The following PLD1 variants were observed in gnomAD, a reference collection of about 807,000 sequenced individuals.
PLD1 encodes phospholipase D1.
Under a neutral mutation model 137.1 loss-of-function variants are expected in PLD1, and 112 were observed. The observed-to-expected ratio is 0.82, with a 90% CI of 0.70 to 0.96. The LOEUF (loss-of-function observed/expected upper bound fraction) is 0.96, where lower values mean the gene tolerates loss of function less well. Ranked by LOEUF, PLD1 falls within the 40% of genes least tolerant of loss-of-function variation. The pLI, the probability that PLD1 is intolerant of heterozygous loss-of-function variation, is 0.00. For missense variants in PLD1, 1,321 were observed against 1,342.0 expected, an observed-to-expected ratio of 0.98 and a Z score of 0.24; for synonymous variants, 431 against 454.7, an observed-to-expected ratio of 0.95 and a Z score of 0.66.
chr3:171,673,045 C>T (rs79938967), intron 19 of PLD1, among the ~76,000 whole-genome samples: 1,744 of 152,310 alleles, frequency 0.011, 34 homozygotes, highest in African/African-American at 0.04. Flanking sequence ...TTGACCACCA[C>T]GTCAATAATA....
intron 11 of PLD1, among the ~76,000 whole-genome samples, chr3:171,705,702 G>A (rs1159073807): frequency 3.3e-5 from 5 of 152,166 alleles, no homozygotes; most frequent in Non-Finnish European, 7.4e-5. Context: ...ACAACATCAA[G>A]TGCTAGCAAT....
chr3:171,607,485 A>G (rs916281791), intron 25 of PLD1, among the ~76,000 whole-genome samples: 2 of 152,182 alleles, frequency 1.3e-5, no homozygotes, highest in East Asian at 3.8e-4. Context: ...TAAAATAGGC[A>G]ATATATTATT....
rs976059219 is a variant in PLD1, at chr3:171,639,844, C to A, written c.2593+2996G>T. 3.6e-3 allele frequency among the ~76,000 whole-genome samples: 406 copies of A among 113,468 alleles called. 2 individuals are homozygous for A. Among genetic ancestry groups the A allele is most frequent in the African/African-American group, 0.013 (325 of 25,204 alleles). The allele number at this position is 113,468 out of a possible 152,430, so 74.4% of individuals were successfully genotyped here. A position where few individuals can be genotyped will look rare whatever the true frequency, so the allele number is the denominator to read the frequency against. On this transcript the variant is annotated intron_variant, in intron 23 of 26. Transcript: ENST00000351298. ...TTTCTCTCTCTCTCTCTCTCTCTCT[C>A]TCTCTATATATATATATATATCTCC...
intron 10 of PLD1, 85 bp downstream of exon 10, chr3:171,709,475 T>C: frequency 8.5e-7 from 1 of 1,175,062 alleles, no homozygotes; most frequent in Non-Finnish European, 1.2e-6. Context: ...TTCACAGTTT[T>C]GAAAACTGAT....
Position 171,662,134 on chromosome 3 carries a change from T to A in PLD1, c.2266A>T (p.Lys756Ter). The A allele has an allele frequency of 4.3e-6, 7 of 1,613,524 alleles. No homozygotes were observed. Among genetic ancestry groups the A allele is most frequent in the Non-Finnish European group, 5.9e-6 (7 of 1,179,478 alleles). Reference protein sequence around the residue: ...RSAADWSAGIKYHEESIHAAY... With the variant: ...RSAADWSAGI ...GCGTGGATGGACTCTTCATGGTACT[T>A]TATACCAGCAGACCAATCAGCAGCA... Residue 756 changes from lysine (K) to a stop codon, truncating the protein, a stop_gained, in exon 20 of 27, where the codon AAG becomes TAG. Coordinates refer to ENST00000351298, the MANE Select transcript of PLD1 (RefSeq NM_002662.5). LOFTEE classifies it high-confidence loss of function.
chr3:171,738,531 A>G (rs1197021365), intron 1 of PLD1, among the ~76,000 whole-genome samples: 1 of 152,200 alleles, frequency 6.6e-6, no homozygotes, highest in Non-Finnish European at 1.5e-5. Flanking sequence ...ACATATTGAA[A>G]TATATAGATT....
At chr3:171,750,994 C>T (rs1453779658) in intron 1 of PLD1, among the ~76,000 whole-genome samples, 1 of 151,916 alleles carries the variant, frequency 6.6e-6, no homozygotes, top group South Asian at 2.1e-4. Flanking sequence ...AGGGACCCCC[C>T]CCAAAACAAA....
intron 23 of PLD1, among the ~76,000 whole-genome samples, chr3:171,634,275 C>T (rs1210708134): frequency 6.6e-6 from 1 of 152,132 alleles, no homozygotes; most frequent in Non-Finnish European, 1.5e-5. Context: ...AGAAAAGGGT[C>T]CAGAGCCAAA....
At chr3:171,659,486 A>G (rs1213687198) in intron 20 of PLD1, among the ~76,000 whole-genome samples, 185 bp from the exon 21 acceptor site, 1 of 152,234 alleles carries the variant, frequency 6.6e-6, no homozygotes, top group Non-Finnish European at 1.5e-5. Flanking sequence ...GTCTCATCTG[A>G]TTCCAGGTCA....
chr3:171,744,589 A>G (rs1720014281), intron 1 of PLD1, among the ~76,000 whole-genome samples: 1 of 152,326 alleles, frequency 6.6e-6, no homozygotes, highest in South Asian at 2.1e-4. Flanking sequence ...CCTGAGATAT[A>G]CAGACTGGTG....
At chr3:171,738,965 G>A (rs376198120) in intron 1 of PLD1, among the ~76,000 whole-genome samples, 8 of 152,310 alleles carry the variant, frequency 5.3e-5, no homozygotes, top group African/African-American at 9.6e-5. Context: ...ATGGAAGGAC[G>A]CTCATACCAG....
intron 12 of PLD1, among the ~76,000 whole-genome samples, chr3:171,694,910 A>G (rs1715543000): frequency 1.3e-5 from 2 of 152,214 alleles, no homozygotes; most frequent in Admixed American, 1.3e-4. Context: ...GAAATAGGGT[A>G]GAGACTTTGT....
intron 12 of PLD1, among the ~76,000 whole-genome samples, chr3:171,695,515 G>T (rs1715602262): frequency 6.6e-6 from 1 of 152,126 alleles, no homozygotes; most frequent in African/African-American, 2.4e-5. Context: ...TTTCTAATTA[G>T]TTTTTTGTCA....
chr3:171,687,985 T>C (rs1204785495), intron 14 of PLD1, among the ~76,000 whole-genome samples: 1 of 152,182 alleles, frequency 6.6e-6, no homozygotes, highest in Non-Finnish European at 1.5e-5. Flanking sequence ...TTTGCATAAG[T>C]TTTGCACTAT....
intron 11 of PLD1, among the ~76,000 whole-genome samples, chr3:171,703,377 G>A (rs1475755893): frequency 6.6e-6 from 1 of 152,106 alleles, no homozygotes; most frequent in African/African-American, 2.4e-5. Context: ...ATACAGATTA[G>A]AACAGAAGAA....
At chr3:171,699,646 G>C in intron 12 of PLD1, 99 bp downstream of exon 12, 2 of 825,516 alleles carry the variant, frequency 2.4e-6, no homozygotes, top group Admixed American at 4.4e-5. Context: ...AAACTCTAAA[G>C]TGAAAAGTTA....
At chr3:171,716,123 C>G (rs1316883780) in intron 8 of PLD1, among the ~76,000 whole-genome samples, 15 of 151,976 alleles carry the variant, frequency 9.9e-5, no homozygotes, top group Non-Finnish European at 1.5e-5. Context: ...TGTACATGTA[C>G]TATCCAGTCT....
chr3:171,602,298 C>T lies in PLD1; in HGVS notation c.*780G>A, dbSNP rs774937090. 2 of 152,152 alleles carry T rather than the reference C, an allele frequency of 1.3e-5. No individual in the cohort carries two copies. The highest frequency in any genetic ancestry group is 2.9e-5 in the Non-Finnish European group (2 of 68,040). 9.4% of individuals were successfully genotyped at this position (152,152 alleles called of 1,614,324 possible). On this transcript the variant is annotated 3_prime_UTR_variant, in exon 27 of 27. Coordinates refer to ENST00000351298, the MANE Select transcript of PLD1 (RefSeq NM_002662.5). ...GCTGGTTGTTACGTAATCAAATATC[C>T]CATGCATGTTTTTACATTTGATCAG...
intron 23 of PLD1, among the ~76,000 whole-genome samples, chr3:171,638,846 A>G (rs1735389261): frequency 6.6e-6 from 1 of 152,126 alleles, no homozygotes; most frequent in South Asian, 2.1e-4. Flanking sequence ...ACTAAAGTAG[A>G]TTGCCCTCCC....
Sources: allele counts gnomAD v4.1 joint callset (sites outside exome capture counted in the v4.1 genomes callset), GRCh38; gene constraint gnomAD v4.1.1; transcripts MANE v1.5; gene names NCBI Gene and HGNC (gene_info 2026-07-23, HGNC 2026-07-21).